Variants in STOX2 observed in about 807,000 individuals in gnomAD.
STOX2 encodes storkhead-box protein 2.
STOX2 carries 28 observed loss-of-function variants against 60.9 expected under a neutral mutation model. The ratio of observed to expected loss-of-function variants is 0.46; its 90% confidence interval spans 0.34 to 0.63. The LOEUF is 0.63. STOX2 is among the 30% of genes least tolerant of loss of function. The pLI is 0.01. For missense variants in STOX2, 1,024 were observed against 1,187.7 expected, an observed-to-expected ratio of 0.86 and a Z score of 2.03; for synonymous variants, 472 against 463.9, an observed-to-expected ratio of 1.02 and a Z score of -0.22.
intron 1 of STOX2, among the ~76,000 whole-genome samples, chr4:183,976,319 A>G (rs1023957752): frequency 6.6e-6 from 1 of 151,600 alleles, no homozygotes; most frequent in African/African-American, 2.4e-5. Flanking sequence ...CTCAAAAACA[A>G]ACAAAAAAAA....
chr4:183,837,822 C>T (rs148143546), intron 1 of STOX2, among the ~76,000 whole-genome samples: 7 of 152,238 alleles, frequency 4.6e-5, no homozygotes, highest in Non-Finnish European at 8.8e-5. Flanking sequence ...ATAAATACTC[C>T]ATCGTGTGTG....
intron 1 of STOX2, among the ~76,000 whole-genome samples, chr4:183,949,677 G>A (rs370338481): frequency 6.6e-6 from 1 of 152,162 alleles, no homozygotes; most frequent in Non-Finnish European, 1.5e-5. Flanking sequence ...CAGCCTGGGC[G>A]ACAGGGCGAG....
chr4:183,806,520 C>A lies in STOX2; in HGVS notation c.364+8465C>A, dbSNP rs565209355. On this transcript the variant is annotated intron_variant, in intron 1 of 2. Transcript: ENST00000513034. This position sits in a 1 kb window ranked among gnomAD's most constrained non-coding sequence, Gnocchi z 4.1. ...TGCAGCCTTCTGTCTTCACTGTGAA[C>A]CCCGGGATACTGCGGCGGTGCTGGC... Among the ~76,000 whole-genome samples, 1 of 152,260 alleles carries A rather than the reference C, an allele frequency of 6.6e-6. No homozygotes were observed. Among genetic ancestry groups the A allele is most frequent in the African/African-American group, 2.4e-5 (1 of 41,564 alleles).
chr4:183,847,568 A>G (rs1305502001), intron 1 of STOX2, among the ~76,000 whole-genome samples: 2 of 152,230 alleles, frequency 1.3e-5, no homozygotes, highest in Non-Finnish European at 1.5e-5. Flanking sequence ...GGAAAGCAAG[A>G]TCTGCTCTCC....
At chr4:184,003,105 G>T (rs1733666693) in intron 2 of STOX2, among the ~76,000 whole-genome samples, 1 of 152,220 alleles carries the variant, frequency 6.6e-6, no homozygotes, top group East Asian at 1.9e-4. Context: ...CCTAAGTGGG[G>T]ACAGATAGTG....
At chr4:183,823,674 A>G (rs1263526187) in intron 1 of STOX2, among the ~76,000 whole-genome samples, 1 of 152,174 alleles carries the variant, frequency 6.6e-6, no homozygotes, top group East Asian at 1.9e-4. Context: ...TGGGCCCGAG[A>G]GACACCAGTG....
At chr4:183,927,652 C>CT (rs1742283609) in intron 1 of STOX2, among the ~76,000 whole-genome samples, 3 of 152,088 alleles carry the variant, frequency 2.0e-5, no homozygotes, top group Admixed American at 2.0e-4. Context: ...TATTACTGAG[C>CT]TGGAAGGACC....
At chr4:183,940,031 G>A (rs1742709596) in intron 1 of STOX2, among the ~76,000 whole-genome samples, 1 of 152,200 alleles carries the variant, frequency 6.6e-6, no homozygotes, top group Non-Finnish European at 1.5e-5. Context: ...AGCCTCCTGA[G>A]TACTGGAATT....
chr4:183,913,061 G>C (rs1009858763), intron 1 of STOX2, among the ~76,000 whole-genome samples: 2 of 152,178 alleles, frequency 1.3e-5, no homozygotes, highest in Admixed American at 6.5e-5. Flanking sequence ...TCCGAGAACA[G>C]AAGGACGTTG....
intron 1 of STOX2, among the ~76,000 whole-genome samples, chr4:183,978,691 A>C (rs1198805904): frequency 6.6e-6 from 1 of 152,226 alleles, no homozygotes; most frequent in Non-Finnish European, 1.5e-5. Context: ...GGCTCAGTGG[A>C]AGAAGCCAGT....
chr4:183,818,313 G>T (rs1043252231), intron 1 of STOX2, among the ~76,000 whole-genome samples: 7 of 152,006 alleles, frequency 4.6e-5, no homozygotes, highest in Non-Finnish European at 8.8e-5. Context: ...CGAGCATGCT[G>T]CCTTCAAGCA....
At chr4:183,803,787 A>G (rs1211456306) in intron 1 of STOX2, among the ~76,000 whole-genome samples, 1 of 152,006 alleles carries the variant, frequency 6.6e-6, no homozygotes, top group Non-Finnish European at 1.5e-5. Flanking sequence ...ACATGGTGAA[A>G]CCCTGTCTCT....
chr4:183,925,891 TTTC>T (rs143184357), intron 1 of STOX2, among the ~76,000 whole-genome samples: 4,766 of 152,196 alleles, frequency 0.031, 235 homozygotes, highest in African/African-American at 0.11. Flanking sequence ...GGGTTTTTTT[TTTC>T]TTCTTGAATC....
intron 1 of STOX2, among the ~76,000 whole-genome samples, chr4:183,840,082 C>A (rs1448524860): frequency 1.3e-5 from 2 of 151,716 alleles, no homozygotes; most frequent in African/African-American, 4.8e-5. Flanking sequence ...GTTGTGGGGG[C>A]AAGAACTAGG....
upstream of STOX2, among the ~76,000 whole-genome samples, chr4:183,901,677 A>G (rs141977169): frequency 4.6e-5 from 7 of 150,744 alleles, no homozygotes; most frequent in East Asian, 9.7e-4. Flanking sequence ...GCATTTCTCT[A>G]ATGATTACTG....
At chr4:183,969,659 C>T (rs1281998942) in intron 1 of STOX2, among the ~76,000 whole-genome samples, 1 of 150,932 alleles carries the variant, frequency 6.6e-6, no homozygotes, top group Non-Finnish European at 1.5e-5. Flanking sequence ...TACTGTGTCA[C>T]CCAAGCTGGA....
intron 1 of STOX2, among the ~76,000 whole-genome samples, chr4:183,838,410 A>G (rs1054869252): frequency 2.0e-5 from 3 of 152,036 alleles, no homozygotes; most frequent in Non-Finnish European, 4.4e-5. Context: ...GACCATAAAC[A>G]ATACTTTTAT....
rs150795320 is a variant in STOX2 at position 183,957,984 on chromosome 4, CA to C, written c.167-43340del. On this transcript the variant is annotated intron_variant, in intron 1 of 3. Coordinates refer to ENST00000308497, the MANE Select transcript of STOX2 (RefSeq NM_020225.3). ...GTGAATGAGGCACCCTGGTTTCTTT[CA>C]GGGGGGATGGTAGAATGGTATTTAG... Among the ~76,000 whole-genome samples, 632 of 151,388 alleles carry C rather than the reference CA, an allele frequency of 4.2e-3. 4 individuals carry two copies. Among genetic ancestry groups the C allele is most frequent in the African/African-American group, 0.015 (599 of 41,118 alleles).
chr4:183,841,348 G>A (rs1287065342), intron 1 of STOX2, among the ~76,000 whole-genome samples: 2 of 151,970 alleles, frequency 1.3e-5, no homozygotes. Flanking sequence ...TACTGTAGGT[G>A]CATGCCACCA....
Sources: allele counts gnomAD v4.1 joint callset (sites outside exome capture counted in the v4.1 genomes callset), GRCh38; gene constraint gnomAD v4.1.1; non-coding constraint Gnocchi (gnomAD v3.1); transcripts MANE v1.5; gene names NCBI Gene and HGNC (gene_info 2026-07-23, HGNC 2026-07-21).